ROBO2: variants seen among roughly 807,000 people sequenced by gnomAD.
The protein encoded by ROBO2 is roundabout guidance receptor 2.
In ROBO2, 53 loss-of-function variants were observed where a neutral mutation model predicts 160.8. The observed-to-expected ratio is 0.33, with a 90% CI of 0.26 to 0.41. The LOEUF (loss-of-function observed/expected upper bound fraction) is 0.41, where lower values mean the gene tolerates loss of function less well. Ranked by LOEUF, ROBO2 falls within the 10% of genes least tolerant of loss-of-function variation. The pLI is 1.00. For missense variants in ROBO2, 1,577 were observed against 1,722.4 expected (o/e 0.92, Z 1.49); for synonymous variants, 664 against 611.7 (o/e 1.09, Z -1.26).
At chr3:76,081,861 C>CACA (rs397936304) in intron 2 of ROBO2, among the ~76,000 whole-genome samples, 1 of 151,312 alleles carries the variant, frequency 6.6e-6, no homozygotes, top group Non-Finnish European at 1.5e-5. Context: ...CACACACACA[C>CACA]CAGAAAAACT....
intron 5 of ROBO2, among the ~76,000 whole-genome samples, chr3:77,495,730 A>G (rs1198406135): frequency 6.6e-6 from 1 of 152,220 alleles, no homozygotes; most frequent in Non-Finnish European, 1.5e-5. Flanking sequence ...AGCACATTGT[A>G]TCAGGGGGCA....
At chr3:77,631,270 G>A (rs960268093) in intron 23 of ROBO2, 2 of 152,164 alleles carry the variant, frequency 1.3e-5, no homozygotes, top group Non-Finnish European at 1.5e-5. Context: ...TGTATTGAAA[G>A]TGCATGAATC....
At chr3:77,619,456 A>C (rs2153704212) in intron 22 of ROBO2, among the ~76,000 whole-genome samples, 1 of 152,302 alleles carries the variant, frequency 6.6e-6, no homozygotes, top group East Asian at 1.9e-4. Context: ...AATGCATGGG[A>C]CAAGGTCCAG....
intron 2 of ROBO2, among the ~76,000 whole-genome samples, chr3:77,144,488 T>C (rs1273149868): frequency 6.6e-6 from 1 of 152,258 alleles, no homozygotes; most frequent in Non-Finnish European, 1.5e-5. Context: ...CAGTATGTTC[T>C]TCTTAAAATA....
intron 2 of ROBO2, among the ~76,000 whole-genome samples, chr3:76,470,044 C>G (rs1391803914): frequency 6.6e-6 from 1 of 152,154 alleles, no homozygotes; most frequent in Non-Finnish European, 1.5e-5. Flanking sequence ...TGTGAGATAT[C>G]AAGGCATCAG....
chr3:77,122,959 C>CT (rs948230122), intron 2 of ROBO2, among the ~76,000 whole-genome samples: 8 of 150,654 alleles, frequency 5.3e-5, no homozygotes, highest in East Asian at 2.0e-4. Flanking sequence ...TTGTGAGGGG[C>CT]TTTTTTTTTC....
intron 2 of ROBO2, among the ~76,000 whole-genome samples, chr3:76,414,078 C>T (rs1219132605): frequency 4.1e-5 from 4 of 97,750 alleles, no homozygotes; most frequent in African/African-American, 1.9e-4. Context: ...ATAAGCCCAT[C>T]AGATCTTGTG....
chr3:77,646,162 A>C, exon 26 of ROBO2: 1 of 704,594 alleles, frequency 1.4e-6, no homozygotes, highest in Admixed American at 2.9e-5. Context: ...TGTACTATTA[A>C]AAGAACTGTA....
intron 6 of ROBO2, among the ~76,000 whole-genome samples, chr3:77,523,283 C>G (rs374684869): frequency 4.2e-4 from 63 of 151,456 alleles, no homozygotes; most frequent in African/African-American, 1.4e-3. Flanking sequence ...ACTAGTTTGT[C>G]ACTTTATACT....
At chr3:76,193,279 C>T (rs1221599016) in intron 2 of ROBO2, among the ~76,000 whole-genome samples, 1 of 152,150 alleles carries the variant, frequency 6.6e-6, no homozygotes, top group Non-Finnish European at 1.5e-5. Flanking sequence ...TGTTTCTGCT[C>T]TTTCAACCCA....
chr3:76,614,514 A>T (rs1186581910), intron 2 of ROBO2, among the ~76,000 whole-genome samples: 1 of 151,902 alleles, frequency 6.6e-6, no homozygotes, highest in African/African-American at 2.4e-5. Context: ...GTTTTTTTTT[A>T]ATTTTTATGA....
intron 2 of ROBO2, among the ~76,000 whole-genome samples, chr3:77,170,384 G>A (rs931603298): frequency 6.7e-6 from 1 of 149,502 alleles, no homozygotes; most frequent in Non-Finnish European, 1.5e-5. Flanking sequence ...ATCAACAATA[G>A]AATATTGCAT....
At chr3:76,470,444 C>T (rs887689538) in intron 2 of ROBO2, among the ~76,000 whole-genome samples, 1 of 152,046 alleles carries the variant, frequency 6.6e-6, no homozygotes, top group African/African-American at 2.4e-5. Flanking sequence ...GGAAGCTGTA[C>T]AACCCAAAAT....
intron 2 of ROBO2, among the ~76,000 whole-genome samples, chr3:76,799,079 T>A (rs949930441): frequency 2.0e-5 from 3 of 152,030 alleles, no homozygotes; most frequent in Non-Finnish European, 4.4e-5. Context: ...CTGGGCATGG[T>A]GGCAGGCGCC....
At chr3:77,186,494 A>G (rs1171758401) in intron 2 of ROBO2, among the ~76,000 whole-genome samples, 1 of 151,990 alleles carries the variant, frequency 6.6e-6, no homozygotes, top group Non-Finnish European at 1.5e-5. Flanking sequence ...GAGGAATTGA[A>G]GTAATAATAG....
chr3:76,684,238 C>G (rs951060321), intron 2 of ROBO2, among the ~76,000 whole-genome samples: 1 of 152,076 alleles, frequency 6.6e-6, no homozygotes, highest in Non-Finnish European at 1.5e-5. Flanking sequence ...CTCTCTTGTT[C>G]TTTTGCTTCT....
chr3:77,015,586 T>A (rs1365023851), intron 2 of ROBO2, among the ~76,000 whole-genome samples: 2 of 152,182 alleles, frequency 1.3e-5, no homozygotes, highest in Non-Finnish European at 2.9e-5. Context: ...AATCAATGAA[T>A]TTTAGAGTTA....
chr3:76,830,144 C>T (rs1298324985), intron 2 of ROBO2, among the ~76,000 whole-genome samples: 3 of 152,132 alleles, frequency 2.0e-5, no homozygotes, highest in Non-Finnish European at 2.9e-5. Flanking sequence ...ACAATGGTTT[C>T]CAGAACAGCT....
At chr3:76,154,532 A>G (rs2072331088) in intron 2 of ROBO2, among the ~76,000 whole-genome samples, 1 of 152,152 alleles carries the variant, frequency 6.6e-6, no homozygotes. Flanking sequence ...ATTGCCAATG[A>G]CAAGATAACT....
Sources: gnomAD v4.1 joint callset for allele counts (sites outside exome capture counted in the v4.1 genomes callset) on GRCh38, gnomAD v4.1.1 for gene constraint, MANE v1.5 for transcripts, NCBI Gene and HGNC (gene_info 2026-07-23, HGNC 2026-07-21) for gene names.